CPED1: variants seen among roughly 807,000 people sequenced by gnomAD.
The protein encoded by CPED1 is cadherin-like and PC-esterase domain-containing protein 1.
CPED1 carries 114 observed loss-of-function variants against 128.2 expected under a neutral mutation model. The observed-to-expected ratio is 0.89, with a 90% CI of 0.76 to 1.04. The LOEUF is 1.04. Among genes scored for constraint, CPED1 ranks in the 50% least tolerant of loss-of-function variants. The pLI is 0.00. For synonymous variants in CPED1, 462 were observed against 426.7 expected (o/e 1.08, Z -1.02); for missense variants, 1,211 against 1,207.1 (o/e 1.00, Z -0.05).
intron 4 of CPED1, among the ~76,000 whole-genome samples, chr7:121,047,718 T>TTCTTCTTCTTCTTTTTCTTCTTCTTC (rs1563005080): frequency 1.1e-5 from 1 of 92,662 alleles, no homozygotes; most frequent in African/African-American, 6.6e-5. Context: ...TCTTCTTCTT[T>TTCTTCTTCTTCTTTTTCTTCTTCTTC]TTTTTTTTTT....
At chr7:121,017,609 T>C (rs1400279639) in intron 3 of CPED1, among the ~76,000 whole-genome samples, 1 of 152,192 alleles carries the variant, frequency 6.6e-6, no homozygotes, top group African/African-American at 2.4e-5. Flanking sequence ...TTCCTATATT[T>C]CCCTGCCTTC....
intron 22 of CPED1, among the ~76,000 whole-genome samples, chr7:121,282,707 A>G (rs546145926): frequency 1.3e-5 from 2 of 152,316 alleles, no homozygotes; most frequent in African/African-American, 4.8e-5. Flanking sequence ...ATAAATTAGC[A>G]CTAAGTCTTT....
At chr7:121,131,688 A>G (rs951759511) in intron 12 of CPED1, among the ~76,000 whole-genome samples, 1 of 152,126 alleles carries the variant, frequency 6.6e-6, no homozygotes, top group Admixed American at 6.6e-5. Context: ...ATAGTTGGAA[A>G]GGGTGAGGAC....
chr7:121,261,727 C>G (rs1456322100), intron 18 of CPED1: 1 of 1,596,696 alleles, frequency 6.3e-7, no homozygotes, highest in Non-Finnish European at 8.5e-7. Flanking sequence ...CCCACCCCTG[C>G]ACATAAACCT....
At chr7:121,286,943 G>A (rs2116782245) in intron 22 of CPED1, among the ~76,000 whole-genome samples, 1 of 152,316 alleles carries the variant, frequency 6.6e-6, no homozygotes, top group South Asian at 2.1e-4. Flanking sequence ...CAAAGAGGAA[G>A]CAGGCACCTT....
At chr7:120,992,108 G>C (rs529764286) in intron 2 of CPED1, among the ~76,000 whole-genome samples, 3 of 152,032 alleles carry the variant, frequency 2.0e-5, no homozygotes, top group South Asian at 2.1e-4. Context: ...AAAATGAAGA[G>C]AGAAAGCTTT....
intron 7 of CPED1, among the ~76,000 whole-genome samples, chr7:121,107,797 TAAC>T (rs1348544955): frequency 1.3e-5 from 2 of 152,110 alleles, no homozygotes; most frequent in African/African-American, 2.4e-5. Flanking sequence ...AGATTTTTAT[TAAC>T]AATATCCTTT....
intron 18 of CPED1, among the ~76,000 whole-genome samples, chr7:121,262,982 T>C (rs1039693144): frequency 6.6e-6 from 1 of 152,120 alleles, no homozygotes; most frequent in Non-Finnish European, 1.5e-5. Context: ...TTATACTTTA[T>C]TATTTCCATC....
intron 16 of CPED1, among the ~76,000 whole-genome samples, chr7:121,155,853 C>G (rs904904137): frequency 1.3e-5 from 2 of 152,004 alleles, no homozygotes; most frequent in African/African-American, 4.8e-5. Flanking sequence ...ATTAGACAAT[C>G]AGGATTACAT....
intron 4 of CPED1, chr7:121,050,952 C>G: frequency 4.0e-6 from 2 of 499,778 alleles, no homozygotes; most frequent in East Asian, 5.8e-5. Context: ...AGGAAGAGCC[C>G]AAGAGGAGAT....
At chr7:121,178,893 G>T (rs551585765) in intron 16 of CPED1, among the ~76,000 whole-genome samples, 2 of 152,152 alleles carry the variant, frequency 1.3e-5, no homozygotes, top group East Asian at 3.9e-4. Context: ...GGTGTCAATG[G>T]TATAAATGTG....
chr7:121,213,972 G>A (rs1797702557), intron 16 of CPED1, among the ~76,000 whole-genome samples: 1 of 151,824 alleles, frequency 6.6e-6, no homozygotes, highest in Admixed American at 6.6e-5. Flanking sequence ...ATTACTTTTG[G>A]TTATCATGCC....
At chr7:121,118,289 G>A (rs552232548) in intron 7 of CPED1, among the ~76,000 whole-genome samples, 2 of 152,224 alleles carry the variant, frequency 1.3e-5, no homozygotes, top group South Asian at 2.1e-4. Flanking sequence ...CCGGCTGGGC[G>A]CGGTGGCTCA....
intron 16 of CPED1, among the ~76,000 whole-genome samples, chr7:121,163,124 T>C (rs963697560): frequency 3.9e-5 from 6 of 152,208 alleles, no homozygotes; most frequent in African/African-American, 4.8e-5. Context: ...AAATATCTAC[T>C]TCCAGTCTCA....
chr7:121,236,656 T>G, intron 16 of CPED1, 58 bp from the exon 17 acceptor site: 2 of 1,066,600 alleles, frequency 1.9e-6, no homozygotes, highest in East Asian at 2.5e-5. Flanking sequence ...TTTTTAGATT[T>G]TATTATTATG....
chr7:121,281,924 G>A (rs1162720170), intron 22 of CPED1, among the ~76,000 whole-genome samples: 1 of 152,040 alleles, frequency 6.6e-6, no homozygotes, highest in Non-Finnish European at 1.5e-5. Flanking sequence ...ACTTTAAAAC[G>A]TACTTCAATG....
intron 7 of CPED1, among the ~76,000 whole-genome samples, chr7:121,114,676 TC>T (rs1795192783): frequency 6.6e-6 from 1 of 152,228 alleles, no homozygotes; most frequent in Non-Finnish European, 1.5e-5. Context: ...GGGTAAAGTT[TC>T]TGTAAGTTAG....
intron 4 of CPED1, among the ~76,000 whole-genome samples, chr7:121,055,658 T>C (rs903915202): frequency 1.3e-5 from 2 of 151,344 alleles, no homozygotes; most frequent in African/African-American, 2.4e-5. Context: ...TTTTTTTCTG[T>C]TGTTGCTAGT....
chr7:121,136,149 T>C, intron 14 of CPED1, 59 bp downstream of exon 14: 1 of 1,485,514 alleles, frequency 6.7e-7, no homozygotes, highest in Non-Finnish European at 9.0e-7. Context: ...CAGCCTTACT[T>C]TGAAAAAAAA....
Sources: allele counts gnomAD v4.1 joint callset (sites outside exome capture counted in the v4.1 genomes callset), GRCh38; gene constraint gnomAD v4.1.1; transcripts MANE v1.5; gene names NCBI Gene and HGNC (gene_info 2026-07-23, HGNC 2026-07-21).